Variants in MAP6 observed in about 807,000 individuals in gnomAD.
MAP6 encodes microtubule associated protein 6, also known as microtubule-associated protein 6.
Under a neutral mutation model 42.4 loss-of-function variants are expected in MAP6, and 26 were observed. The ratio of observed to expected loss-of-function variants is 0.61; its 90% CI spans 0.45 to 0.85. The LOEUF is 0.85. Among genes scored for constraint, MAP6 ranks in the 40% least tolerant of loss-of-function variants. The pLI, the probability that MAP6 is intolerant of heterozygous loss-of-function variation, is 0.00. For synonymous variants in MAP6, 418 were observed against 443.8 expected, an observed-to-expected ratio of 0.94 and a Z score of 0.73; for missense variants, 966 against 1,099.0, an observed-to-expected ratio of 0.88 and a Z score of 1.71.
In MAP6 at chr11:75,588,052, C is replaced by T. The variant is rs557147660; in HGVS notation, c.1449G>A (p.Lys483=). Reference sequence around the variant, plus strand: ...GCCCTGGGACCACAGAACCTTGCTTCTTCAGAGGCTCTTGCACCATAGGAC... The same window carrying T: ...GCCCTGGGACCACAGAACCTTGCTTTTTCAGAGGCTCTTGCACCATAGGAC... ...GQGPMVQEPL[K]KQGSVVPGPP... is the part of the protein sequence containing the mutation. Residue 483 remains lysine (K), a synonymous_variant, in exon 4 of 4, where the codon AAG becomes AAA. Coordinates refer to ENST00000304771, the MANE Select transcript of MAP6 (RefSeq NM_033063.2). 6.3e-5 allele frequency: 102 copies of T among 1,614,096 alleles called. No individual in the cohort carries two copies. The highest frequency in any genetic ancestry group is 4.3e-4 in the Admixed American group (26 of 60,026).
chr11:75,629,526 T>G (rs1348295009), intron 1 of MAP6, among the ~76,000 whole-genome samples: 1 of 152,186 alleles, frequency 6.6e-6, no homozygotes, highest in Non-Finnish European at 1.5e-5. Context: ...AATTCTGTCC[T>G]CATGCATTCA....
intron 1 of MAP6, among the ~76,000 whole-genome samples, chr11:75,649,214 G>A (rs763599634): frequency 2.6e-5 from 4 of 152,106 alleles, no homozygotes; most frequent in South Asian, 2.1e-4. Context: ...TAAAAAGAAC[G>A]ATCTGTATAT....
intron 3 of MAP6, among the ~76,000 whole-genome samples, chr11:75,590,765 G>A (rs781650393): frequency 3.3e-5 from 5 of 152,094 alleles, no homozygotes; most frequent in Non-Finnish European, 7.4e-5. Context: ...TCAGGAGTTC[G>A]AGATCAGCCT....
chr11:75,624,457 C>T (rs1338152085), intron 1 of MAP6, among the ~76,000 whole-genome samples: 2 of 152,086 alleles, frequency 1.3e-5, no homozygotes, highest in African/African-American at 4.8e-5. Flanking sequence ...GCTGGAGGCC[C>T]CCTGGCTCCC....
At chr11:75,663,048 G>A (rs1408283475) in intron 1 of MAP6, among the ~76,000 whole-genome samples, 2 of 149,896 alleles carry the variant, frequency 1.3e-5, no homozygotes, top group African/African-American at 4.9e-5. Flanking sequence ...TGCAACCTCC[G>A]CCTCCCAGGT....
intron 1 of MAP6, among the ~76,000 whole-genome samples, chr11:75,618,107 C>CT (rs111520372): frequency 2.6e-3 from 284 of 108,896 alleles, no homozygotes; most frequent in African/African-American, 8.8e-3. Context: ...TAAGTTTCTG[C>CT]TTTTTTTTTT....
At chr11:75,594,910 A>G (rs951687334) in intron 3 of MAP6, among the ~76,000 whole-genome samples, 1 of 152,174 alleles carries the variant, frequency 6.6e-6, no homozygotes, top group Admixed American at 6.5e-5. Context: ...ACCACCTCCA[A>G]GCTGGGCCCT....
chr11:75,589,685 A>C (rs1942441721), intron 3 of MAP6, among the ~76,000 whole-genome samples: 1 of 152,236 alleles, frequency 6.6e-6, no homozygotes, highest in Admixed American at 6.5e-5. Context: ...TGCTCAATGC[A>C]AGGTGACTAT....
Position 75,587,778 on chromosome 11 carries a change from G to T in MAP6, c.1723C>A (p.Pro575Thr). ...RIPEPVKNQA[P>T]MVPAPVKDEG... ...TCCTTGACAGGTGCTGGGACCATAG[G>T]AGCTTGATTCTTCACAGGCTCAGGA... is the stretch of plus-strand genomic sequence containing the variant. Residue 575 changes from proline (P) to threonine (T), a missense_variant, in exon 4 of 4, where the codon CCT (proline) becomes ACT (threonine). Pro to Thr is a conservative substitution (Grantham distance 38, BLOSUM62 -1). Coordinates refer to ENST00000304771, the MANE Select transcript of MAP6 (RefSeq NM_033063.2). 6.2e-7 allele frequency: 1 copy of T among 1,613,468 alleles called. No individual in the cohort carries two copies. The highest frequency in any genetic ancestry group is 8.5e-7 in the Non-Finnish European group (1 of 1,179,500).
In MAP6 at chr11:75,603,307, A is replaced by G. The variant is rs914673936; in HGVS notation, c.1316+2501T>C. On this transcript the variant is annotated intron_variant, in intron 3 of 3. Transcript: ENST00000304771. ...TGGGACGAGCTTTGGAAGCTTGGTC[A>G]CCTTCAGGAAGGCAACACCCAAACA... 5 of 985,696 alleles carry G rather than the reference A, an allele frequency of 5.1e-6. No homozygotes were observed. The African/African-American group carries it at 8.7e-5, about 17-fold the overall frequency. 61.1% of individuals were successfully genotyped at this position (985,696 alleles called of 1,614,324 possible).
At chr11:75,644,444 G>A (rs1565275226) in intron 1 of MAP6, among the ~76,000 whole-genome samples, 1 of 152,058 alleles carries the variant, frequency 6.6e-6, no homozygotes, top group Non-Finnish European at 1.5e-5. Flanking sequence ...TTTGTTATGT[G>A]TCAGGTACTA....
intron 1 of MAP6, among the ~76,000 whole-genome samples, chr11:75,648,084 G>A (rs1377495470): frequency 6.6e-6 from 1 of 152,144 alleles, no homozygotes; most frequent in African/African-American, 2.4e-5. Context: ...TAACGGATTT[G>A]GGATACTTGA....
At chr11:75,641,982 A>C (rs1453407176) in intron 1 of MAP6, among the ~76,000 whole-genome samples, 5 of 152,262 alleles carry the variant, frequency 3.3e-5, no homozygotes, top group Non-Finnish European at 7.3e-5. Context: ...TTTATGAGCC[A>C]GTTATTAAGC....
At chr11:75,588,234 A>C (rs746023597) in intron 3 of MAP6, 50 bp from the exon 4 acceptor site, 1 of 1,546,468 alleles carries the variant, frequency 6.5e-7, no homozygotes, top group East Asian at 2.2e-5. Context: ...TCAGGCAGGG[A>C]CAGGGCAGAG....
rs1018825411 is a variant in MAP6 at position 75,667,037 on chromosome 11, G to C, written c.905+428C>G. Among the ~76,000 whole-genome samples the C allele has an allele frequency of 1.3e-5, 2 of 152,310 alleles. No homozygotes were observed. Among genetic ancestry groups the C allele is most frequent in the Admixed American group, 1.3e-4 (2 of 15,310 alleles). On this transcript the variant is annotated intron_variant, in intron 1 of 3. Transcript: ENST00000304771. This position sits in a 1 kb window ranked among gnomAD's most constrained non-coding sequence, Gnocchi z 5.6. ...GCCAAGGGAACTGGGCTAGGGAGGA[G>C]GGCGAGAGGCCACTTGGAAAGAATT...
intron 1 of MAP6, among the ~76,000 whole-genome samples, chr11:75,629,598 A>G (rs186191239): frequency 2.0e-5 from 3 of 152,260 alleles, no homozygotes; most frequent in African/African-American, 7.2e-5. Context: ...ATATTCTTAT[A>G]TTCTTTTATT....
chr11:75,647,382 T>C (rs1426162823), intron 1 of MAP6, among the ~76,000 whole-genome samples: 1 of 104,720 alleles, frequency 9.5e-6, no homozygotes, highest in Non-Finnish European at 2.0e-5. Flanking sequence ...CAAAAATGAA[T>C]GTGTAACTTC....
At chr11:75,653,611 T>C (rs1943687754) in intron 1 of MAP6, among the ~76,000 whole-genome samples, 1 of 152,230 alleles carries the variant, frequency 6.6e-6, no homozygotes, top group Non-Finnish European at 1.5e-5. Context: ...TTTATTACAG[T>C]TCTAATTTTA....
intron 1 of MAP6, among the ~76,000 whole-genome samples, chr11:75,649,767 C>T (rs548029727): frequency 2.0e-5 from 3 of 152,076 alleles, no homozygotes; most frequent in Non-Finnish European, 4.4e-5. Flanking sequence ...TCTTGAACTC[C>T]TGCCCTCGTG....
Sources: gnomAD v4.1 joint callset for allele counts (sites outside exome capture counted in the v4.1 genomes callset) on GRCh38, gnomAD v4.1.1 for gene constraint, Gnocchi (gnomAD v3.1) non-coding constraint, MANE v1.5 for transcripts, NCBI Gene and HGNC (gene_info 2026-07-23, HGNC 2026-07-21) for gene names.